GMDS: variants seen among roughly 807,000 people sequenced by gnomAD.
GMDS encodes GDP-mannose 4,6 dehydratase.
GMDS carries 20 observed loss-of-function variants against 49.9 expected under a neutral mutation model. That is an observed-to-expected ratio of 0.40 (90% CI 0.28 to 0.58). The LOEUF (loss-of-function observed/expected upper bound fraction) is 0.58, where lower values mean the gene tolerates loss of function less well. Among genes scored for constraint, GMDS ranks in the 20% least tolerant of loss-of-function variants. GMDS has a pLI of 0.42. For missense variants in GMDS, 362 were observed against 481.4 expected (o/e 0.75, Z 2.32); for synonymous variants, 177 against 178.6 (o/e 0.99, Z 0.07).
intron 7 of GMDS, among the ~76,000 whole-genome samples, chr6:1,783,640 C>G (rs751954221): frequency 2.6e-5 from 4 of 152,132 alleles, no homozygotes; most frequent in Non-Finnish European, 5.9e-5. Flanking sequence ...TAGGAGAAGC[C>G]ATGATGTTTT....
rs900885313 is a variant in GMDS, at chr6:2,122,611, G to A, written c.147+2076C>T. Among the ~76,000 whole-genome samples, 5 of 152,078 alleles carry A rather than the reference G, an allele frequency of 3.3e-5. 1 individual carries two copies. The highest frequency in any genetic ancestry group is 7.3e-5 in the Non-Finnish European group (5 of 68,030). Reference sequence around the variant, plus strand: ...CTTTGACCTAAGCATAAAAACATAAGGCCTGTGCCACCATCAGATTCCTCC... The same window carrying A: ...CTTTGACCTAAGCATAAAAACATAAAGCCTGTGCCACCATCAGATTCCTCC... On this transcript the variant is annotated intron_variant, in intron 2 of 10. Coordinates refer to ENST00000380815, the MANE Select transcript of GMDS (RefSeq NM_001500.4).
chr6:1,936,240 A>T (rs1040316867), intron 6 of GMDS, among the ~76,000 whole-genome samples: 2 of 152,200 alleles, frequency 1.3e-5, no homozygotes, highest in Admixed American at 6.5e-5. Context: ...TGCTACAGGA[A>T]GCAGTGAAGC....
intron 4 of GMDS, among the ~76,000 whole-genome samples, chr6:2,020,710 G>C (rs1266409612): frequency 1.3e-5 from 2 of 152,082 alleles, no homozygotes; most frequent in African/African-American, 4.8e-5. Context: ...AATATTTAAT[G>C]TAAGTGAAGA....
intron 4 of GMDS, among the ~76,000 whole-genome samples, chr6:2,019,162 A>G (rs1419723004): frequency 1.3e-5 from 2 of 150,834 alleles, no homozygotes; most frequent in Non-Finnish European, 2.9e-5. Context: ...TAGTATCCTG[A>G]ATCTTTGCTG....
chr6:2,117,071 T>C (rs1279087873), intron 3 of GMDS, among the ~76,000 whole-genome samples: 2 of 152,236 alleles, frequency 1.3e-5, no homozygotes, highest in Admixed American at 6.5e-5. Flanking sequence ...TCACAAATTA[T>C]TTTTAAAAAT....
chr6:2,244,268 C>T (rs1781755076), intron 1 of GMDS, among the ~76,000 whole-genome samples: 1 of 152,060 alleles, frequency 6.6e-6, no homozygotes, highest in Non-Finnish European at 1.5e-5. Flanking sequence ...AACTCCCATG[C>T]CTCAGTTTCC....
chr6:2,138,255 T>C (rs1273243288), intron 1 of GMDS, among the ~76,000 whole-genome samples: 1 of 152,240 alleles, frequency 6.6e-6, no homozygotes, highest in African/African-American at 2.4e-5. Flanking sequence ...TTGAAATGTT[T>C]CAAATTTCAA....
chr6:2,242,523 G>C (rs1581850995), intron 1 of GMDS, among the ~76,000 whole-genome samples: 1 of 152,352 alleles, frequency 6.6e-6, no homozygotes, highest in African/African-American at 2.4e-5. Context: ...GCGGGAATTT[G>C]GGACAACCCA....
chr6:2,028,014 A>G (rs1317765944), intron 4 of GMDS, among the ~76,000 whole-genome samples: 1 of 152,208 alleles, frequency 6.6e-6, no homozygotes, highest in Non-Finnish European at 1.5e-5. Context: ...AACTTTAAAG[A>G]AAAACAGAAC....
intron 9 of GMDS, among the ~76,000 whole-genome samples, chr6:1,706,855 T>C (rs1581485906): frequency 6.6e-6 from 1 of 152,216 alleles, no homozygotes; most frequent in Non-Finnish European, 1.5e-5. Flanking sequence ...CATGGTGGCA[T>C]TTGGAAGGAC....
At chr6:2,015,142 G>A (rs1012624985) in intron 4 of GMDS, among the ~76,000 whole-genome samples, 2 of 152,098 alleles carry the variant, frequency 1.3e-5, no homozygotes, top group African/African-American at 4.8e-5. Flanking sequence ...GTAATTCACA[G>A]ATCCAACTGG....
At chr6:1,628,186 G>A (rs181418344) in intron 9 of GMDS, among the ~76,000 whole-genome samples, 10 of 152,302 alleles carry the variant, frequency 6.6e-5, no homozygotes, top group East Asian at 1.9e-4. Flanking sequence ...CTGATAAAGC[G>A]CCAGACCAAA....
intron 7 of GMDS, among the ~76,000 whole-genome samples, chr6:1,828,396 A>G (rs535571365): frequency 6.6e-6 from 1 of 152,320 alleles, no homozygotes; most frequent in East Asian, 1.9e-4. Context: ...GTAATGGTTG[A>G]TAACTTCCCA....
At chr6:2,035,041 C>T (rs1284256646) in intron 4 of GMDS, among the ~76,000 whole-genome samples, 1 of 152,122 alleles carries the variant, frequency 6.6e-6, no homozygotes, top group African/African-American at 2.4e-5. Flanking sequence ...CTTCTTACCA[C>T]ATAAGAAAAA....
At chr6:1,932,831 C>T (rs1465892791) in intron 6 of GMDS, among the ~76,000 whole-genome samples, 2 of 152,208 alleles carry the variant, frequency 1.3e-5, no homozygotes, top group African/African-American at 4.8e-5. Context: ...AGCCACCGCG[C>T]CCGCTCAAAA....
At chr6:1,819,395 A>T (rs1770795586) in intron 7 of GMDS, among the ~76,000 whole-genome samples, 1 of 152,348 alleles carries the variant, frequency 6.6e-6, no homozygotes, top group Admixed American at 6.5e-5. Context: ...ACTGAGTTGT[A>T]CCTTGGTGTA....
intron 1 of GMDS, among the ~76,000 whole-genome samples, chr6:2,243,843 C>CTTTT (rs68171156): frequency 0.012 from 701 of 58,190 alleles, 54 homozygotes; most frequent in African/African-American, 0.017. Context: ...ACTTCTCCTT[C>CTTTT]TTTTTTTTTT....
intron 7 of GMDS, among the ~76,000 whole-genome samples, chr6:1,783,927 C>A (rs975454686): frequency 1.3e-5 from 2 of 152,088 alleles, no homozygotes; most frequent in African/African-American, 4.8e-5. Context: ...TGGGTCTATG[C>A]AAGCCCTGGA....
At chr6:2,244,127 A>G (rs1781748034) in intron 1 of GMDS, among the ~76,000 whole-genome samples, 1 of 151,772 alleles carries the variant, frequency 6.6e-6, no homozygotes, top group Non-Finnish European at 1.5e-5. Flanking sequence ...ACCTCTGCAC[A>G]CCGAAGTGCT....
Sources: gnomAD v4.1 joint callset for allele counts (sites outside exome capture counted in the v4.1 genomes callset) on GRCh38, gnomAD v4.1.1 for gene constraint, MANE v1.5 for transcripts, NCBI Gene and HGNC (gene_info 2026-07-23, HGNC 2026-07-21) for gene names.